Variants in PIK3C2G observed in about 807,000 individuals in gnomAD.
PIK3C2G encodes the protein phosphatidylinositol 3-kinase C2 domain-containing subunit gamma.
A neutral mutation model predicts 181.1 loss-of-function variants in PIK3C2G; 168 were observed. The ratio of observed to expected loss-of-function variants is 0.93; its 90% CI spans 0.82 to 1.05. The LOEUF is 1.05. Ranked by LOEUF, PIK3C2G falls within the 50% of genes least tolerant of loss-of-function variation. The probability of loss-of-function intolerance (pLI) is 0.00; values close to 1 mark genes in which losing one functional copy is unlikely to be tolerated. For missense variants in PIK3C2G, 1,869 were observed against 1,732.8 expected, an observed-to-expected ratio of 1.08 and a Z score of -1.40; for synonymous variants, 573 against 592.2, an observed-to-expected ratio of 0.97 and a Z score of 0.47.
At chr12:18,341,477 A>T (rs980757832) in intron 9 of PIK3C2G, among the ~76,000 whole-genome samples, 2 of 151,342 alleles carry the variant, frequency 1.3e-5, no homozygotes, top group East Asian at 1.9e-4. Flanking sequence ...CATAGAAATT[A>T]AAAAAGGAGT....
intron 25 of PIK3C2G, among the ~76,000 whole-genome samples, chr12:18,544,626 G>C (rs752461061): frequency 6.6e-6 from 1 of 151,784 alleles, no homozygotes; most frequent in Non-Finnish European, 1.5e-5. Flanking sequence ...TGAATTTCTT[G>C]TTAGTTGGGC....
chr12:18,713,640 G>A, the PIK3C2G span: 1 of 152,302 alleles, frequency 6.6e-6, no homozygotes. Flanking sequence ...GTAAGCACTA[G>A]AGAAAATCAA....
intron 24 of PIK3C2G, among the ~76,000 whole-genome samples, chr12:18,528,029 T>C (rs939264431): frequency 1.3e-5 from 2 of 152,040 alleles, no homozygotes; most frequent in African/African-American, 4.8e-5. Context: ...GCAGAGAGCT[T>C]GGAGATCTCA....
At chr12:18,315,905 GT>G (rs1950839950) in intron 6 of PIK3C2G, among the ~76,000 whole-genome samples, 1 of 151,870 alleles carries the variant, frequency 6.6e-6, no homozygotes, top group African/African-American at 2.4e-5. Flanking sequence ...GTGTGTGTGT[GT>G]GTGTGTGTGT....
At chr12:18,575,466 A>C (rs980620450) in intron 29 of PIK3C2G, among the ~76,000 whole-genome samples, 1 of 152,206 alleles carries the variant, frequency 6.6e-6, no homozygotes, top group Non-Finnish European at 1.5e-5. Flanking sequence ...GGCCTCCAAC[A>C]TAGCAGGTAC....
In PIK3C2G at chr12:18,412,016, T is replaced by C. The variant is rs1229348346; in HGVS notation, c.2316-8925T>C. Among the ~76,000 whole-genome samples the C allele has an allele frequency of 2.0e-4, 30 of 152,164 alleles. 1 individual carries two copies. The highest frequency in any genetic ancestry group is 1.8e-3 in the Admixed American group (27 of 15,272). On this transcript the variant is annotated intron_variant, in intron 16 of 32. Transcript: ENST00000538779. Reference sequence around the variant, plus strand: ...CAAATGGAAGAACTTGAAAAATATATTTTTCTGTTGAAATTTTATTTCATG... The same window carrying C: ...CAAATGGAAGAACTTGAAAAATATACTTTTCTGTTGAAATTTTATTTCATG...
intron 1 of PIK3C2G, among the ~76,000 whole-genome samples, chr12:18,255,364 C>A (rs1340281322): frequency 6.6e-6 from 1 of 152,112 alleles, no homozygotes; most frequent in East Asian, 1.9e-4. Context: ...GAATTTATGG[C>A]TACTGTAGGA....
chr12:18,704,032 G>T, the PIK3C2G span, among the ~76,000 whole-genome samples: 1 of 152,150 alleles, frequency 6.6e-6, no homozygotes, highest in East Asian at 1.9e-4. Context: ...AGGGAGAAAG[G>T]CCCAGCAAAG....
At chr12:18,275,226 T>C (rs1948932096) in intron 1 of PIK3C2G, among the ~76,000 whole-genome samples, 1 of 152,148 alleles carries the variant, frequency 6.6e-6, no homozygotes, top group Non-Finnish European at 1.5e-5. Context: ...CTGTTGACAA[T>C]TTTCCTTCCC....
intron 32 of PIK3C2G, among the ~76,000 whole-genome samples, chr12:18,644,538 C>T (rs1467966463): frequency 1.3e-5 from 2 of 152,082 alleles, no homozygotes; most frequent in Non-Finnish European, 2.9e-5. Flanking sequence ...CATTTTACAT[C>T]CCTTAAAATC....
chr12:18,316,863 G>A (rs953413747), intron 6 of PIK3C2G, among the ~76,000 whole-genome samples: 7 of 152,192 alleles, frequency 4.6e-5, no homozygotes, highest in Non-Finnish European at 8.8e-5. Flanking sequence ...ACACTAATGC[G>A]TAGAGTAGTG....
chr12:18,655,127 C>A, the PIK3C2G span, among the ~76,000 whole-genome samples: 1 of 151,890 alleles, frequency 6.6e-6, no homozygotes. Context: ...CTGTTAAAGA[C>A]TTGTGAAATT....
intron 24 of PIK3C2G, among the ~76,000 whole-genome samples, chr12:18,527,806 T>C (rs1460970838): frequency 6.6e-6 from 1 of 152,122 alleles, no homozygotes; most frequent in Non-Finnish European, 1.5e-5. Flanking sequence ...TTTGAAGAAA[T>C]AGTTGTTTTA....
At chr12:18,693,785 T>G in the PIK3C2G span, 9 of 1,515,456 alleles carry the variant, frequency 5.9e-6, no homozygotes, top group South Asian at 2.2e-5. Context: ...AATAGAAACT[T>G]TGGATCCAGC....
intron 16 of PIK3C2G, among the ~76,000 whole-genome samples, chr12:18,405,408 G>GTTA (rs1565685082): frequency 6.7e-6 from 1 of 148,208 alleles, no homozygotes; most frequent in African/African-American, 2.6e-5. Flanking sequence ...TGTTGTTGTT[G>GTTA]TTGTTGTTGT....
Position 18,532,278 on chromosome 12 carries a change from T to A in PIK3C2G, c.3324-5878T>A, listed in dbSNP as rs550469802. On this transcript the variant is annotated intron_variant, in intron 24 of 32. Coordinates refer to ENST00000538779, the MANE Select transcript of PIK3C2G (RefSeq NM_001288772.2). Reference sequence around the variant, plus strand: ...GAATTTTTAAAATAGACACTCCAGATACTGGCAGTTTGCTGGCTATGTGTT... The same window carrying A: ...GAATTTTTAAAATAGACACTCCAGAAACTGGCAGTTTGCTGGCTATGTGTT... 1.2e-4 allele frequency among the ~76,000 whole-genome samples: 19 copies of A among 152,342 alleles called. No individual in the cohort carries two copies. In the South Asian group the frequency reaches 3.7e-3, roughly 30 times the overall value.
intron 31 of PIK3C2G, among the ~76,000 whole-genome samples, chr12:18,636,873 T>C: frequency 6.6e-6 from 1 of 152,196 alleles, no homozygotes; most frequent in Non-Finnish European, 1.5e-5. Flanking sequence ...TGGCTCCCAC[T>C]TCACCTTTTT....
At chr12:18,442,853 T>G (rs1056272409) in intron 18 of PIK3C2G, among the ~76,000 whole-genome samples, 1 of 152,086 alleles carries the variant, frequency 6.6e-6, no homozygotes, top group African/African-American at 2.4e-5. Context: ...TACAAGTTCC[T>G]CTGTATGGTC....
At position 18,360,480 on chromosome 12, in the gene PIK3C2G, CTTT is replaced by C. The variant is rs1941139226; in HGVS notation, c.1626-2282_1626-2280del. On this transcript the variant is annotated intron_variant, in intron 11 of 32. Coordinates refer to ENST00000538779, the MANE Select transcript of PIK3C2G (RefSeq NM_001288772.2). ...CCGGTGAGTTTTATAGTTTTACATG[CTTT>C]TGTGTTTCTCTATAGCATTGTTGCA... Among the ~76,000 whole-genome samples the C allele has an allele frequency of 3.9e-5, 6 of 152,054 alleles. No homozygotes were observed. The South Asian group carries it at 1.2e-3, about 32-fold the overall frequency.
Sources: gnomAD v4.1 joint callset for allele counts (sites outside exome capture counted in the v4.1 genomes callset) on GRCh38, gnomAD v4.1.1 for gene constraint, MANE v1.5 for transcripts, NCBI Gene and HGNC (gene_info 2026-07-23, HGNC 2026-07-21) for gene names.